POFUT1: variants seen among roughly 807,000 people sequenced by gnomAD.
POFUT1 encodes protein O-fucosyltransferase 1, also known as GDP-fucose protein O-fucosyltransferase 1.
POFUT1 carries 16 observed loss-of-function variants against 42.4 expected under a neutral mutation model. The observed-to-expected ratio is 0.38, with a 90% CI of 0.26 to 0.57. POFUT1 has a LOEUF of 0.57. POFUT1 is among the 20% of genes least tolerant of loss of function. POFUT1 has a pLI of 0.71. For synonymous variants in POFUT1, 206 were observed against 205.4 expected, an observed-to-expected ratio of 1.00 and a Z score of -0.03; for missense variants, 470 against 504.6, an observed-to-expected ratio of 0.93 and a Z score of 0.66.
chr20:32,219,617 C>A (rs2047380682), intron 4 of POFUT1, among the ~76,000 whole-genome samples: 3 of 151,420 alleles, frequency 2.0e-5, no homozygotes, highest in Non-Finnish European at 4.4e-5. Context: ...CTGCCTCAGC[C>A]TCCCAAGTAG....
intron 4 of POFUT1, chr20:32,223,495 CG>C (rs1600390679): frequency 1.0e-6 from 1 of 985,218 alleles, no homozygotes; most frequent in Non-Finnish European, 1.2e-6. Flanking sequence ...TCCAAGAGGT[CG>C]GGGGGTGGCA....
At chr20:32,232,317 A>T (rs1427571193) in intron 6 of POFUT1, among the ~76,000 whole-genome samples, 1 of 152,050 alleles carries the variant, frequency 6.6e-6, no homozygotes, top group Non-Finnish European at 1.5e-5. Flanking sequence ...AAAAAAAAGA[A>T]AGAAAGAAAG....
Position 32,236,061 on chromosome 20 carries a change from G to A in POFUT1, c.*1400G>A, listed in dbSNP as rs1439232887. The A allele has an allele frequency of 6.6e-6, 1 of 152,268 alleles. No individual in the cohort carries two copies. Among genetic ancestry groups the A allele is most frequent in the Non-Finnish European group, 1.5e-5 (1 of 68,074 alleles). The allele number at this position is 152,268 out of a possible 1,614,324, so 9.4% of individuals were successfully genotyped here. A position where few individuals can be genotyped will look rare whatever the true frequency, so the allele number is the denominator to read the frequency against. ...AGAGCTGCCACCCAACTCTAAGCAGGAGAAACTGTACAGAAAGGGCTTTGC... is the reference window on the plus strand; with the variant it reads ...AGAGCTGCCACCCAACTCTAAGCAGAAGAAACTGTACAGAAAGGGCTTTGC... On this transcript the variant is annotated 3_prime_UTR_variant, in exon 7 of 7. Transcript: ENST00000375749.
At chr20:32,217,786 A>G in intron 4 of POFUT1, 3 of 965,442 alleles carry the variant, frequency 3.1e-6, no homozygotes, top group Non-Finnish European at 3.7e-6. Flanking sequence ...TGAAGTGGGT[A>G]TTATTATCAA....
rs371242837 is a variant in POFUT1, at chr20:32,210,226, G to A, written c.246+34G>A. 3.7e-5 allele frequency: 59 copies of A among 1,612,630 alleles called. No individual in the cohort carries two copies. The African/African-American group carries it at 3.7e-4, about 10-fold the overall frequency. Reference sequence around the variant, plus strand: ...TTCCCACTGACCTTGGCCTTTCTCCGCCCTTTCTCAGTCTTGCTTACTTAC... The same window carrying A: ...TTCCCACTGACCTTGGCCTTTCTCCACCCTTTCTCAGTCTTGCTTACTTAC... On this transcript the variant is annotated intron_variant, in intron 2 of 6. Transcript: ENST00000375749.
At chr20:32,222,777 G>A (rs780168826) in intron 4 of POFUT1, 3 of 985,408 alleles carry the variant, frequency 3.0e-6, no homozygotes, top group East Asian at 2.3e-4. Context: ...TTCAGCTGAC[G>A]CTTACTGCAC....
At chr20:32,222,582 C>G in intron 4 of POFUT1, 8 of 985,218 alleles carry the variant, frequency 8.1e-6, no homozygotes, top group Non-Finnish European at 9.6e-6. Context: ...TTTTTCTTTC[C>G]CCCACCTCGC....
intron 2 of POFUT1, among the ~76,000 whole-genome samples, chr20:32,213,180 C>T (rs1051314745): frequency 1.2e-4 from 18 of 152,070 alleles, no homozygotes; most frequent in Non-Finnish European, 2.2e-4. Flanking sequence ...GTGACCGCAC[C>T]CAGCCAGAAA....
At chr20:32,231,151 C>T in intron 6 of POFUT1, 90 bp downstream of exon 6, 1 of 1,421,342 alleles carries the variant, frequency 7.0e-7, no homozygotes, top group Non-Finnish European at 9.8e-7. Context: ...TTCACGGGCT[C>T]CCCTACAAGC....
Position 32,232,901 on chromosome 20 carries a change from G to C in POFUT1, c.979-1572G>C, listed in dbSNP as rs968020277. ...TAAGCCTTCCTCCTCCATTAAGCTG[G>C]TCCAGTGCTGAGTAAGGGTACCAGT... is the stretch of plus-strand genomic sequence containing the variant. On this transcript the variant is annotated intron_variant, in intron 6 of 6. Coordinates refer to ENST00000375749, the MANE Select transcript of POFUT1 (RefSeq NM_015352.2). 2.0e-5 allele frequency among the ~76,000 whole-genome samples: 3 copies of C among 152,078 alleles called. No homozygotes were observed. The East Asian group carries it at 5.8e-4, about 29-fold the overall frequency.
intron 5 of POFUT1, among the ~76,000 whole-genome samples, chr20:32,230,158 C>G (rs113200303): frequency 0.053 from 8,037 of 151,824 alleles, 777 homozygotes; most frequent in African/African-American, 0.18. Context: ...GAGGCCGAGG[C>G]AGGCGGATCA....
intron 3 of POFUT1, 63 bp from the exon 4 acceptor site, chr20:32,216,546 G>A: frequency 1.0e-6 from 1 of 980,738 alleles, no homozygotes; most frequent in African/African-American, 1.6e-5. Flanking sequence ...ACACTTCCCT[G>A]GCCCCATCCC....
At chr20:32,217,127 T>A (rs1009612192) in intron 4 of POFUT1, 1 of 1,590,066 alleles carries the variant, frequency 6.3e-7, no homozygotes, top group African/African-American at 1.4e-5. Flanking sequence ...ATTGGACGTG[T>A]TTATTAATTG....
At chr20:32,214,957 C>G (rs1325094174) in intron 2 of POFUT1, among the ~76,000 whole-genome samples, 3 of 152,102 alleles carry the variant, frequency 2.0e-5, no homozygotes, top group African/African-American at 7.2e-5. Flanking sequence ...AATCTTGGCT[C>G]ACTGCAAGCA....
In POFUT1 at chr20:32,237,679, C is replaced by T; in HGVS notation, c.*3018C>T. 2.2e-6 allele frequency: 1 copy of T among 453,644 alleles called. No individual in the cohort carries two copies. The highest frequency in any genetic ancestry group is 1.6e-5 in the South Asian group (1 of 60,954). The allele number at this position is 453,644 out of a possible 1,614,324, so 28.1% of individuals were successfully genotyped here. On this transcript the variant is annotated 3_prime_UTR_variant, in exon 7 of 7. Transcript: ENST00000375749. ...CCTAGGGTTCTGAGCAGAAGAGGGG[C>T]ATGAGCTGATTCACATTCTGAAGGA...
rs1290172019 is a variant in POFUT1, at chr20:32,234,524, C to G, written c.1030C>G (p.Leu344Val). ...PEVAQVDLYI[L>V]GQADHFIGNC... ...GGTGGCCCAGGTCGACCTGTACATCCTCGGCCAAGCCGACCACTTTATTGG... is the reference window on the plus strand; with the variant it reads ...GGTGGCCCAGGTCGACCTGTACATCGTCGGCCAAGCCGACCACTTTATTGG... The change falls in exon 7 of 7, where the codon CTC becomes GTC. Residue 344 changes from leucine (L) to valine (V), a missense_variant. Leu to Val is a conservative substitution (Grantham distance 32). Coordinates refer to ENST00000375749, the MANE Select transcript of POFUT1 (RefSeq NM_015352.2). 6.2e-7 allele frequency: 1 copy of G among 1,613,934 alleles called. No individual in the cohort carries two copies. Among genetic ancestry groups the G allele is most frequent in the Non-Finnish European group, 8.5e-7 (1 of 1,179,824 alleles).
At chr20:32,227,448 G>A (rs558331490) in intron 4 of POFUT1, among the ~76,000 whole-genome samples, 2 of 152,176 alleles carry the variant, frequency 1.3e-5, no homozygotes, top group Non-Finnish European at 2.9e-5. Context: ...CCTTGAGCCT[G>A]GAGGCGGAGA....
chr20:32,230,060 G>A (rs1010785913), intron 5 of POFUT1, among the ~76,000 whole-genome samples: 1 of 151,940 alleles, frequency 6.6e-6, no homozygotes. Context: ...TTACAGGTGC[G>A]AGGCACTGCG....
intron 4 of POFUT1, among the ~76,000 whole-genome samples, chr20:32,221,791 C>A (rs373774627): frequency 5.3e-5 from 8 of 152,104 alleles, no homozygotes; most frequent in African/African-American, 1.4e-4. Context: ...ATTCTTCCTC[C>A]CTATTGCCTT....
Sources: gnomAD v4.1 joint callset for allele counts (sites outside exome capture counted in the v4.1 genomes callset) on GRCh38, gnomAD v4.1.1 for gene constraint, MANE v1.5 for transcripts, NCBI Gene and HGNC (gene_info 2026-07-23, HGNC 2026-07-21) for gene names.